Variants in PCDHA1 observed in about 807,000 individuals in gnomAD.
PCDHA1 encodes the protein protocadherin alpha 1.
A neutral mutation model predicts 61.3 loss-of-function variants in PCDHA1; 42 were observed. The observed-to-expected ratio is 0.69, with a 90% CI of 0.54 to 0.89. PCDHA1 has a LOEUF of 0.89. PCDHA1 is among the 40% of genes least tolerant of loss of function. The pLI, the probability that PCDHA1 is intolerant of heterozygous loss-of-function variation, is 0.00. For missense variants in PCDHA1, 1,256 were observed against 1,235.3 expected, an observed-to-expected ratio of 1.02 and a Z score of -0.25; for synonymous variants, 610 against 553.8, an observed-to-expected ratio of 1.10 and a Z score of -1.43.
chr5:140,836,849 A>G, intron 1 of PCDHA1: 3 of 822,610 alleles, frequency 3.6e-6, no homozygotes, highest in Non-Finnish European at 3.7e-6. Context: ...ATGTATAATT[A>G]TTATTTTTTA....
chr5:140,824,610 G>GTTTGTTTTT (rs1768197195), intron 1 of PCDHA1: 1 of 95,104 alleles, frequency 1.1e-5, no homozygotes, highest in Non-Finnish European at 1.9e-5. Context: ...GCTAATTAAA[G>GTTTGTTTTT]TTTTTTTTTT....
intron 3 of PCDHA1, among the ~76,000 whole-genome samples, chr5:141,005,280 C>T (rs2098203817): frequency 6.6e-6 from 1 of 152,180 alleles, no homozygotes; most frequent in Non-Finnish European, 1.5e-5. Context: ...GGTGAATAAA[C>T]AGATACATTT....
At chr5:140,802,040 C>T (rs1034160662) in intron 1 of PCDHA1, 1 of 1,614,016 alleles carries the variant, frequency 6.2e-7, no homozygotes, top group Non-Finnish European at 8.5e-7. Flanking sequence ...CGTATTCTTT[C>T]AATACGGACA....
chr5:140,919,915 A>G (rs1306747919), intron 1 of PCDHA1, among the ~76,000 whole-genome samples: 1 of 152,202 alleles, frequency 6.6e-6, no homozygotes, highest in Non-Finnish European at 1.5e-5. Context: ...AAATTACCCT[A>G]AATTTTCAGG....
chr5:140,870,358 G>C lies in PCDHA1; in HGVS notation c.2394+81674G>C, dbSNP rs201159213. The C allele has an allele frequency of 1.2e-5, 20 of 1,614,216 alleles. No homozygotes were observed. The Admixed American group carries it at 3.3e-4, about 27-fold the overall frequency. ...CGCCCTGGACCGCGAGAACGTGTGG[G>C]CCTATGAACTGGTGGTGACTGCGCG... On this transcript the variant is annotated intron_variant, in intron 1 of 3. Transcript: ENST00000504120.
At chr5:140,839,504 C>A (rs1554137483) in intron 1 of PCDHA1, among the ~76,000 whole-genome samples, 1 of 152,000 alleles carries the variant, frequency 6.6e-6, no homozygotes, top group Non-Finnish European at 1.5e-5. Flanking sequence ...ATCTTCCTAC[C>A]TCAGCCTCTC....
At chr5:140,831,878 G>A (rs2150197940) in intron 1 of PCDHA1, among the ~76,000 whole-genome samples, 3 of 152,080 alleles carry the variant, frequency 2.0e-5, no homozygotes, top group Admixed American at 6.6e-5. Context: ...ATTGTAAGGC[G>A]CTTATAACTG....
intron 1 of PCDHA1, chr5:140,866,754 G>A (rs540571091): frequency 1.1e-4 from 17 of 152,256 alleles, no homozygotes; most frequent in Non-Finnish European, 2.2e-4. Context: ...ATGACTAACA[G>A]GACATACAGG....
intron 1 of PCDHA1, chr5:140,926,634 T>C (rs2083423230): frequency 6.8e-6 from 3 of 438,778 alleles, no homozygotes; most frequent in Non-Finnish European, 1.2e-5. Context: ...GCTGCGCTCC[T>C]CAACACCCGG....
At chr5:140,836,491 C>G (rs2150261960) in intron 1 of PCDHA1, 33 of 1,613,882 alleles carry the variant, frequency 2.0e-5, no homozygotes, top group Admixed American at 3.3e-5. Context: ...CTGATCATCG[C>G]CATCTGCGCG....
At chr5:140,965,143 G>A (rs1451263269) in intron 1 of PCDHA1, among the ~76,000 whole-genome samples, 1 of 152,230 alleles carries the variant, frequency 6.6e-6, no homozygotes, top group Admixed American at 6.5e-5. Context: ...AGAATACTGG[G>A]AGATGAAGAG....
At chr5:140,863,712 G>A (rs2048130795) in intron 1 of PCDHA1, 1 of 282,034 alleles carries the variant, frequency 3.5e-6, no homozygotes, top group East Asian at 9.1e-5. Flanking sequence ...AAGTACACTG[G>A]GGCCGGGTGC....
chr5:140,804,947 G>T, intron 1 of PCDHA1: 7 of 1,265,582 alleles, frequency 5.5e-6, no homozygotes, highest in Admixed American at 3.0e-5. Flanking sequence ...TTGCTCCCTT[G>T]TCCATGAAGT....
Position 141,010,188 on chromosome 5 carries a change from T to A in PCDHA1, c.*251T>A. ...CAGAACCTAAAAAGCAGACCCAAGT[T>A]TCCTTTCTCCTCCGCCGCAAAGGAG... is the stretch of plus-strand genomic sequence containing the variant. On this transcript the variant is annotated 3_prime_UTR_variant, in exon 4 of 4. Coordinates refer to ENST00000504120, the MANE Select transcript of PCDHA1 (RefSeq NM_018900.4). 6.4e-7 allele frequency: 1 copy of A among 1,553,070 alleles called. No individual in the cohort carries two copies. The highest frequency in any genetic ancestry group is 1.2e-5 in the South Asian group (1 of 84,340).
At position 140,801,974 on chromosome 5, in the gene PCDHA1, C is replaced by T. The variant is rs184163664; in HGVS notation, c.2394+13290C>T. On this transcript the variant is annotated intron_variant, in intron 1 of 3. Coordinates refer to ENST00000504120, the MANE Select transcript of PCDHA1 (RefSeq NM_018900.4). ...TACTCGAAAATGCACCAAATGGTAC[C>T]CTAGTGGTGACCGTTAACGCCACCG... 6 of 1,614,146 alleles carry T rather than the reference C, an allele frequency of 3.7e-6. No homozygotes were observed. The East Asian group carries it at 6.7e-5, about 18-fold the overall frequency.
At chr5:140,952,146 C>T (rs1204696324) in intron 1 of PCDHA1, among the ~76,000 whole-genome samples, 1 of 152,062 alleles carries the variant, frequency 6.6e-6, no homozygotes, top group African/African-American at 2.4e-5. Context: ...AGCTCCACTC[C>T]TGTGGCTTTG....
chr5:140,972,660 A>ATTTT (rs11350929), intron 1 of PCDHA1, among the ~76,000 whole-genome samples: 3 of 117,268 alleles, frequency 2.6e-5, no homozygotes, highest in Admixed American at 9.2e-5. Context: ...AAGAAACCAA[A>ATTTT]TTTTTTTTTT....
At chr5:140,992,295 A>G (rs2097504334) in intron 3 of PCDHA1, among the ~76,000 whole-genome samples, 1 of 152,134 alleles carries the variant, frequency 6.6e-6, no homozygotes, top group African/African-American at 2.4e-5. Flanking sequence ...AAAGGATGGG[A>G]GTATTGTTTT....
intron 1 of PCDHA1, among the ~76,000 whole-genome samples, chr5:140,893,840 T>C (rs548325710): frequency 6.6e-6 from 1 of 152,312 alleles, no homozygotes; most frequent in Non-Finnish European, 1.5e-5. Flanking sequence ...GCCATCCTGA[T>C]GCCCTACCTC....
Sources: allele counts gnomAD v4.1 joint callset (sites outside exome capture counted in the v4.1 genomes callset), GRCh38; gene constraint gnomAD v4.1.1; transcripts MANE v1.5; gene names NCBI Gene and HGNC (gene_info 2026-07-23, HGNC 2026-07-21).